TRPM3: variants seen among roughly 807,000 people sequenced by gnomAD.
TRPM3 encodes the protein long transient receptor potential channel 3.
In TRPM3, 77 loss-of-function variants were observed where a neutral mutation model predicts 181.2. That is an observed-to-expected ratio of 0.42 (90% confidence interval 0.35 to 0.51). The LOEUF is 0.51. TRPM3 is among the 20% of genes least tolerant of loss of function. The probability of loss-of-function intolerance (pLI) is 0.01; values close to 1 mark genes in which losing one functional copy is unlikely to be tolerated. For synonymous variants in TRPM3, 745 were observed against 796.4 expected (o/e 0.94, Z 1.09); for missense variants, 1,759 against 2,196.7 (o/e 0.80, Z 3.98).
rs1490349207 is a variant in TRPM3 at position 70,534,440 on chromosome 9, CT to C, written c.*1512del. 2 of 152,166 alleles carry C rather than the reference CT, an allele frequency of 1.3e-5. No individual in the cohort carries two copies. Among genetic ancestry groups the C allele is most frequent in the African/African-American group, 2.4e-5 (1 of 41,416 alleles). The allele number at this position is 152,166 out of a possible 1,614,324, so 9.4% of individuals were successfully genotyped here. On this transcript the variant is annotated 3_prime_UTR_variant, in exon 26 of 26. Transcript: ENST00000677713. ...TATATTAAAAAAAATCTTGATTATA[CT>C]TCAAGGTGATAGAAAAGTCCAAGCC...
chr9:71,182,662 T>C (rs2077468685), intron 1 of TRPM3, among the ~76,000 whole-genome samples: 2 of 152,098 alleles, frequency 1.3e-5, no homozygotes, highest in Admixed American at 1.3e-4. Context: ...ATGCTCAATA[T>C]TAAATTTTAT....
chr9:71,184,210 C>G (rs1209783771), intron 1 of TRPM3, among the ~76,000 whole-genome samples: 1 of 152,074 alleles, frequency 6.6e-6, no homozygotes, highest in African/African-American at 2.4e-5. Flanking sequence ...CTAAGAACAA[C>G]AGCTCTCAAA....
At position 71,087,343 on chromosome 9, in the gene TRPM3, A is replaced by T. The variant is rs572063550; in HGVS notation, c.177+33835T>A. On this transcript the variant is annotated intron_variant, in intron 1 of 25. Coordinates refer to ENST00000677713, the MANE Select transcript of TRPM3 (RefSeq NM_001366145.2). ...TACAGGAAAGTTCAAAGCTGAATTC[A>T]AATCCCATTTCCTGGGAAAGATCTT... Among the ~76,000 whole-genome samples the T allele has an allele frequency of 2.0e-5, 3 of 152,188 alleles. No individual in the cohort carries two copies. In the South Asian group the frequency reaches 6.2e-4, roughly 32 times the overall value.
intron 24 of TRPM3, among the ~76,000 whole-genome samples, chr9:70,549,882 A>G (rs965489244): frequency 6.6e-6 from 1 of 152,176 alleles, no homozygotes; most frequent in African/African-American, 2.4e-5. Flanking sequence ...GGGTCTCTGA[A>G]GTTCACCTGA....
At position 70,536,597 on chromosome 9, in the gene TRPM3, G is replaced by C; in HGVS notation, c.4516C>G (p.His1506Asp). ...CTACTTTTGGAACGCTCAATGGTGTGGTACATCGGAGGCTCTGAGTCCCAG... is the reference window on the plus strand; with the variant it reads ...CTACTTTTGGAACGCTCAATGGTGTCGTACATCGGAGGCTCTGAGTCCCAG... ...NPWDSEPPMY[H>D]TIERSKSSRY... The change falls in exon 26 of 26, where the codon CAC becomes GAC. Residue 1506 changes from histidine (H) to aspartate (D), a missense_variant. Around this residue, in one of 8 missense-constraint regions of TRPM3, gnomAD observed 612 missense variants for 590.0 expected, o/e 1.04. Transcript: ENST00000677713. The C allele has an allele frequency of 6.2e-7, 1 of 1,614,098 alleles. No individual in the cohort carries two copies. Among genetic ancestry groups the C allele is most frequent in the South Asian group, 1.1e-5 (1 of 91,066 alleles).
chr9:71,330,661 G>A (rs573374309), intron 1 of TRPM3, among the ~76,000 whole-genome samples: 2 of 151,908 alleles, frequency 1.3e-5, no homozygotes, highest in South Asian at 2.1e-4. Flanking sequence ...TAAAAACTTA[G>A]CATTTAATAT....
intron 1 of TRPM3, among the ~76,000 whole-genome samples, chr9:70,953,816 G>A (rs12342244): frequency 0.15 from 22,078 of 152,140 alleles, 1,753 homozygotes; most frequent in Non-Finnish European, 0.16. Context: ...GCAGGTTGAC[G>A]GAGCTGCCCT....
At chr9:70,556,354 T>TC (rs1213930945) in intron 22 of TRPM3, among the ~76,000 whole-genome samples, 2 of 151,926 alleles carry the variant, frequency 1.3e-5, no homozygotes, top group Non-Finnish European at 2.9e-5. Context: ...TATTCCAGCC[T>TC]CCCCCACCTT....
intron 1 of TRPM3, among the ~76,000 whole-genome samples, chr9:71,433,837 T>C (rs2093992974): frequency 6.6e-6 from 1 of 152,146 alleles, no homozygotes; most frequent in Admixed American, 6.6e-5. Flanking sequence ...TTATGCACTT[T>C]GGAAATTTCC....
intron 1 of TRPM3, among the ~76,000 whole-genome samples, chr9:70,893,256 C>T (rs1402547970): frequency 6.6e-6 from 1 of 152,074 alleles, no homozygotes; most frequent in Non-Finnish European, 1.5e-5. Context: ...ATCACATGGA[C>T]CATGCCAGGG....
chr9:71,216,029 A>C (rs7047212), intron 1 of TRPM3, among the ~76,000 whole-genome samples: 309 of 152,336 alleles, frequency 2.0e-3, no homozygotes, highest in African/African-American at 7.3e-3. Context: ...AAAAAGATTT[A>C]GTATATGTCT....
chr9:70,616,278 G>C (rs1318298168), intron 17 of TRPM3, among the ~76,000 whole-genome samples: 1 of 151,912 alleles, frequency 6.6e-6, no homozygotes, highest in Non-Finnish European at 1.5e-5. Flanking sequence ...ATACTAAGAG[G>C]ATCATTTTGT....
intron 1 of TRPM3, among the ~76,000 whole-genome samples, chr9:71,099,547 C>T (rs1203450751): frequency 6.6e-6 from 1 of 152,142 alleles, no homozygotes; most frequent in Non-Finnish European, 1.5e-5. Flanking sequence ...CACCCCTCCT[C>T]TCTGTTGTGA....
rs150120522 is a variant in TRPM3 at position 70,649,538 on chromosome 9, G to A, written c.1346-8878C>T. Among the ~76,000 whole-genome samples, 49 of 152,032 alleles carry A rather than the reference G, an allele frequency of 3.2e-4. 1 individual carries two copies. The East Asian group carries it at 9.1e-3, about 28-fold the overall frequency. On this transcript the variant is annotated intron_variant, in intron 9 of 25. Coordinates refer to ENST00000677713, the MANE Select transcript of TRPM3 (RefSeq NM_001366145.2). Reference sequence around the variant, plus strand: ...GTATACATGTGGCCAATAATCATGGGGAAAATGCTCAGTATCACTATCGTT... The same window carrying A: ...GTATACATGTGGCCAATAATCATGGAGAAAATGCTCAGTATCACTATCGTT...
chr9:70,679,948 A>G (rs1055136944), intron 9 of TRPM3, among the ~76,000 whole-genome samples: 4 of 152,174 alleles, frequency 2.6e-5, no homozygotes, highest in South Asian at 4.1e-4. Context: ...TGGTCCCGTG[A>G]TTCTTCTGCA....
At chr9:70,974,746 T>A (rs1191008006) in intron 1 of TRPM3, among the ~76,000 whole-genome samples, 2 of 142,448 alleles carry the variant, frequency 1.4e-5, no homozygotes, top group Non-Finnish European at 3.1e-5. Context: ...ATAATAATAA[T>A]AAATAAAATA....
In TRPM3 at chr9:71,361,841, C is replaced by G. The variant is rs1045115905; in HGVS notation, c.183+84812G>C. ...CTGGATTTATTACAAGACTGAAGGA[C>G]TAATCAGTTATCCCTGATCGGGTTC... On this transcript the variant is annotated intron_variant, in intron 1 of 24. Coordinates refer to the TRPM3 transcript ENST00000357533. Among the ~76,000 whole-genome samples the G allele has an allele frequency of 5.9e-5, 9 of 152,002 alleles. No homozygotes were observed. The East Asian group carries it at 1.7e-3, about 29-fold the overall frequency.
intron 1 of TRPM3, among the ~76,000 whole-genome samples, chr9:71,423,766 C>A (rs2093817750): frequency 6.6e-6 from 1 of 152,074 alleles, no homozygotes; most frequent in Non-Finnish European, 1.5e-5. Flanking sequence ...CATAAATTTA[C>A]AAACCTTTCC....
intron 1 of TRPM3, among the ~76,000 whole-genome samples, chr9:70,896,517 A>G (rs1472441574): frequency 6.6e-6 from 1 of 152,186 alleles, no homozygotes; most frequent in Admixed American, 6.5e-5. Flanking sequence ...GAAAATAAAG[A>G]ACCAGATGCT....
Sources: allele counts gnomAD v4.1 joint callset (sites outside exome capture counted in the v4.1 genomes callset), GRCh38; gene constraint gnomAD v4.1.1; regional missense constraint gnomAD v4.1.1; transcripts MANE v1.5; gene names NCBI Gene and HGNC (gene_info 2026-07-23, HGNC 2026-07-21).